Variants in R3HDM1 observed in about 807,000 individuals in gnomAD.
The protein encoded by R3HDM1 is R3H domain containing 1.
In R3HDM1, 46 loss-of-function variants were observed where a neutral mutation model predicts 141.1. That is an observed-to-expected ratio of 0.33 (90% CI 0.26 to 0.42). The LOEUF is 0.42. Among genes scored for constraint, R3HDM1 ranks in the 10% least tolerant of loss-of-function variants. The pLI, the probability that R3HDM1 is intolerant of heterozygous loss-of-function variation, is 1.00. For missense variants in R3HDM1, 1,184 were observed against 1,368.3 expected (o/e 0.87, Z 2.12); for synonymous variants, 435 against 472.9 (o/e 0.92, Z 1.04).
At chr2:135,670,491 G>T in intron 19 of R3HDM1, 1 of 777,918 alleles carries the variant, frequency 1.3e-6, no homozygotes, top group Non-Finnish European at 1.6e-6. Flanking sequence ...AATTTCTATT[G>T]ATAAGATGTG....
rs2076972615 is a variant in R3HDM1 at position 135,724,138 on chromosome 2, T to G, written c.3251T>G (p.Leu1084Trp). 1 of 1,614,060 alleles carries G rather than the reference T, an allele frequency of 6.2e-7. No homozygotes were observed. Among genetic ancestry groups the G allele is most frequent in the Non-Finnish European group, 8.5e-7 (1 of 1,179,992 alleles). The change falls in exon 27 of 27, where the codon TTG becomes TGG. Residue 1084 changes from leucine (L) to tryptophan (W), a missense_variant. Physicochemically the swap from Leu to Trp is moderately conservative, Grantham distance 61. Coordinates refer to ENST00000683871, the MANE Select transcript of R3HDM1 (RefSeq NM_001378107.1). The part of the protein sequence containing the change: ...ANPERSKPSD[L>W]ASTYTVLATF... ...CCTGAACGCTCTAAACCCAGTGACT[T>G]GGCCTCCACCTACACCGTCTTAGCC...
At chr2:135,642,730 G>A (rs2063933055) in intron 15 of R3HDM1, among the ~76,000 whole-genome samples, 1 of 152,210 alleles carries the variant, frequency 6.6e-6, no homozygotes, top group Non-Finnish European at 1.5e-5. Flanking sequence ...GTCTCTAAGT[G>A]TTCCTGGCCC....
At chr2:135,689,741 T>G (rs1375571916) in intron 21 of R3HDM1, among the ~76,000 whole-genome samples, 2 of 152,192 alleles carry the variant, frequency 1.3e-5, no homozygotes, top group African/African-American at 4.8e-5. Flanking sequence ...ACTGTCACTT[T>G]AAGCGAGCAA....
intron 19 of R3HDM1, among the ~76,000 whole-genome samples, chr2:135,661,624 T>C (rs182401618): frequency 7.9e-4 from 120 of 152,344 alleles, no homozygotes; most frequent in Non-Finnish European, 1.6e-4. Context: ...ACTGGGAATA[T>C]CTTAAGCAGT....
At chr2:135,555,346 A>G (rs1700551777) in intron 1 of R3HDM1, among the ~76,000 whole-genome samples, 1 of 152,124 alleles carries the variant, frequency 6.6e-6, no homozygotes, top group African/African-American at 2.4e-5. Flanking sequence ...TGACGGAAAT[A>G]CAAATCAAAG....
intron 1 of R3HDM1, among the ~76,000 whole-genome samples, chr2:135,569,021 G>A (rs1703454303): frequency 6.8e-6 from 1 of 146,416 alleles, no homozygotes. Flanking sequence ...GTCTCCTCCA[G>A]TCCAGTCACT....
At chr2:135,694,731 A>G (rs966834745) in intron 21 of R3HDM1, among the ~76,000 whole-genome samples, 3 of 152,192 alleles carry the variant, frequency 2.0e-5, no homozygotes, top group Non-Finnish European at 4.4e-5. Flanking sequence ...CAAGGTAGCT[A>G]GAGTTTACAG....
chr2:135,722,901 CTG>C (rs1476070234), intron 26 of R3HDM1, among the ~76,000 whole-genome samples: 4 of 152,090 alleles, frequency 2.6e-5, no homozygotes, highest in African/African-American at 9.7e-5. Flanking sequence ...TGTTGCCTCT[CTG>C]TGGTAAAGTA....
intron 19 of R3HDM1, among the ~76,000 whole-genome samples, chr2:135,664,396 C>G (rs1408199391): frequency 6.6e-6 from 1 of 152,028 alleles, no homozygotes; most frequent in Non-Finnish European, 1.5e-5. Context: ...AATTATTCAA[C>G]CAAATAATGA....
intron 21 of R3HDM1, among the ~76,000 whole-genome samples, chr2:135,698,223 G>GA (rs2073578234): frequency 6.7e-6 from 1 of 149,128 alleles, no homozygotes; most frequent in Non-Finnish European, 1.5e-5. Flanking sequence ...GCAGTGGTGC[G>GA]ATGTCGGCTC....
intron 19 of R3HDM1, among the ~76,000 whole-genome samples, chr2:135,663,344 A>C (rs2067010301): frequency 6.6e-6 from 1 of 152,192 alleles, no homozygotes; most frequent in African/African-American, 2.4e-5. Context: ...AAAAAAGAGA[A>C]TCATGTCTTT....
rs770640761 is a variant in R3HDM1, at chr2:135,593,273, AC to A, written c.-249-9224del. Among the ~76,000 whole-genome samples, 5 of 152,000 alleles carry A rather than the reference AC, an allele frequency of 3.3e-5. No individual in the cohort carries two copies. The East Asian group carries it at 9.7e-4, about 29-fold the overall frequency. ...CCTCATGCCAATCAGATCATATTAC[AC>A]CCTGAGTTATTTATTTCAGTCCTGC... On this transcript the variant is annotated intron_variant, in intron 1 of 26. Coordinates refer to ENST00000683871, the MANE Select transcript of R3HDM1 (RefSeq NM_001378107.1).
chr2:135,547,865 C>G (rs1699065652), intron 1 of R3HDM1, among the ~76,000 whole-genome samples: 2 of 151,164 alleles, frequency 1.3e-5, no homozygotes, highest in Admixed American at 1.3e-4. Flanking sequence ...TCTCCACTTC[C>G]CAGGTTCAAG....
intron 1 of R3HDM1, chr2:135,583,848 T>C (rs1707308131): frequency 1.0e-6 from 1 of 985,308 alleles, no homozygotes; most frequent in South Asian, 4.7e-5. Flanking sequence ...ATTTAGATAA[T>C]TAAATTTCTG....
chr2:135,677,868 T>A (rs2069473370), intron 20 of R3HDM1, among the ~76,000 whole-genome samples: 1 of 152,206 alleles, frequency 6.6e-6, no homozygotes, highest in African/African-American at 2.4e-5. Context: ...GTTTGAATTC[T>A]GACTTTCCCT....
intron 1 of R3HDM1, among the ~76,000 whole-genome samples, chr2:135,570,940 G>A (rs755579948): frequency 5.3e-5 from 8 of 152,150 alleles, no homozygotes; most frequent in Non-Finnish European, 1.0e-4. Context: ...ACTCATTTAG[G>A]CAATGACTTG....
At chr2:135,617,052 A>G (rs1252520096) in intron 5 of R3HDM1, among the ~76,000 whole-genome samples, 2 of 152,182 alleles carry the variant, frequency 1.3e-5, no homozygotes, top group East Asian at 1.9e-4. Context: ...GGTCGGGTGC[A>G]GTGGCTCACG....
intron 19 of R3HDM1, among the ~76,000 whole-genome samples, chr2:135,670,013 C>A (rs1396694442): frequency 1.3e-5 from 2 of 151,814 alleles, no homozygotes; most frequent in Non-Finnish European, 2.9e-5. Flanking sequence ...CTGGCACGCA[C>A]CTGTAATCCC....
chr2:135,562,651 C>T (rs1702010182), intron 1 of R3HDM1, among the ~76,000 whole-genome samples: 1 of 152,172 alleles, frequency 6.6e-6, no homozygotes, highest in African/African-American at 2.4e-5. Context: ...TTTATTTACA[C>T]CTTCAGGTTC....
Sources: allele counts gnomAD v4.1 joint callset (sites outside exome capture counted in the v4.1 genomes callset), GRCh38; gene constraint gnomAD v4.1.1; transcripts MANE v1.5; gene names NCBI Gene and HGNC (gene_info 2026-07-23, HGNC 2026-07-21).